Variants in PCDH11X observed in about 807,000 individuals in gnomAD.
PCDH11X encodes protocadherin-11 X-linked.
A neutral mutation model predicts 53.3 loss-of-function variants in PCDH11X; 18 were observed. The observed-to-expected ratio is 0.34, with a 90% CI of 0.23 to 0.50. The LOEUF (loss-of-function observed/expected upper bound fraction) is 0.50, where lower values mean the gene tolerates loss of function less well. Among genes scored for constraint, PCDH11X ranks in the 20% least tolerant of loss-of-function variants. The pLI, the probability that PCDH11X is intolerant of heterozygous loss-of-function variation, is 0.98. For missense variants in PCDH11X, 570 were observed against 1,032.4 expected, an observed-to-expected ratio of 0.55 and a Z score of 6.14; for synonymous variants, 279 against 393.3, an observed-to-expected ratio of 0.71 and a Z score of 3.44.
chrX:91,888,617 C>T (rs1346642745), intron 6 of PCDH11X, among the ~76,000 whole-genome samples: 20 of 109,995 alleles, frequency 1.8e-4, no homozygotes, highest in Non-Finnish European at 2.5e-4. Flanking sequence ...GCCTAGATCA[C>T]GCCACTGCAC....
intron 6 of PCDH11X, among the ~76,000 whole-genome samples, chrX:92,065,111 G>T (rs1348876385): frequency 1.0e-5 from 1 of 97,395 alleles, no homozygotes; most frequent in Non-Finnish European, 2.0e-5. Flanking sequence ...GGGGCCTGGG[G>T]GTAAACTACA....
chrX:92,492,171 A>G (rs1411683277), intron 10 of PCDH11X, among the ~76,000 whole-genome samples: 1 of 111,981 alleles, frequency 8.9e-6, no homozygotes, highest in Admixed American at 9.5e-5. Flanking sequence ...ATTTGCTTTC[A>G]ATTTTTACAT....
intron 8 of PCDH11X, among the ~76,000 whole-genome samples, chrX:92,316,869 A>G (rs1203244595): frequency 9.1e-6 from 1 of 110,308 alleles, no homozygotes; most frequent in Non-Finnish European, 1.9e-5. Context: ...TTAATCTCAT[A>G]ATGCCCCTGT....
At chrX:92,051,923 A>C (rs1052454138) in intron 6 of PCDH11X, among the ~76,000 whole-genome samples, 7 of 108,981 alleles carry the variant, frequency 6.4e-5, no homozygotes, top group Non-Finnish European at 9.6e-5. Flanking sequence ...ATAGTTTTTG[A>C]AATGTAAATA....
chrX:92,355,156 G>A (rs1177684475), intron 8 of PCDH11X, among the ~76,000 whole-genome samples: 3 of 104,971 alleles, frequency 2.9e-5, no homozygotes, highest in Non-Finnish European at 5.8e-5. Context: ...GGCCGGGCGC[G>A]GTGGTTCACG....
In PCDH11X at chrX:92,597,315, A is replaced by G. The variant is rs770683022; in HGVS notation, c.3368-20949A>G. On this transcript the variant is annotated intron_variant, in intron 10 of 10. Transcript: ENST00000682573. ...GCAAAAAAACCATTAGAACTGATAA[A>G]AAAAATTAGTAAACTTGCACGATAT... 3.6e-5 allele frequency among the ~76,000 whole-genome samples: 4 copies of G among 110,476 alleles called. No homozygotes were observed. In the East Asian group the frequency reaches 1.1e-3, roughly 31 times the overall value.
At chrX:92,095,162 G>T (rs6615320) in intron 6 of PCDH11X, among the ~76,000 whole-genome samples, 27,631 of 109,655 alleles carry the variant, frequency 0.25, 3,445 homozygotes, top group African/African-American at 0.46. Context: ...TGTCTAGGTT[G>T]TCATTAGTGT....
At chrX:92,313,683 G>A (rs2755336) in intron 8 of PCDH11X, among the ~76,000 whole-genome samples, 24,911 of 108,251 alleles carry the variant, frequency 0.23, 2,395 homozygotes, top group African/African-American at 0.26. Flanking sequence ...ACACAAATCT[G>A]GAAGGTATAG....
Position 92,041,814 on chromosome X carries a change from C to A in PCDH11X, c.3034-159561C>A, listed in dbSNP as rs375003886. On this transcript the variant is annotated intron_variant, in intron 6 of 10. Transcript: ENST00000682573. Reference sequence around the variant, plus strand: ...CGAAACCCCATCTCTACTAAAAATACAAAAGTTAGCCGGGTTTGGTGGCAT... The same window carrying A: ...CGAAACCCCATCTCTACTAAAAATAAAAAAGTTAGCCGGGTTTGGTGGCAT... Among the ~76,000 whole-genome samples the A allele has an allele frequency of 2.1e-4, 23 of 110,988 alleles. No homozygotes were observed. The East Asian group carries it at 4.9e-3, about 23-fold the overall frequency.
At chrX:92,153,458 T>G (rs2065475569) in intron 6 of PCDH11X, among the ~76,000 whole-genome samples, 1 of 111,853 alleles carries the variant, frequency 8.9e-6, no homozygotes, top group South Asian at 3.7e-4. Flanking sequence ...GGTTTACTTT[T>G]TATCAAACTG....
At chrX:92,451,543 A>T (rs965194333) in intron 9 of PCDH11X, among the ~76,000 whole-genome samples, 5 of 111,108 alleles carry the variant, frequency 4.5e-5, no homozygotes, top group Non-Finnish European at 9.4e-5. Flanking sequence ...AGTTCCAGTG[A>T]GAACAAAAGT....
At chrX:92,114,901 G>A (rs532961347) in intron 6 of PCDH11X, among the ~76,000 whole-genome samples, 1 of 110,310 alleles carries the variant, frequency 9.1e-6, no homozygotes, top group African/African-American at 3.3e-5. Flanking sequence ...GCGCGAACTC[G>A]GCTCACTGCA....
rs775692709 is a variant in PCDH11X, at chrX:92,280,560, A to G, written c.3144+17417A>G. 2.5e-4 allele frequency among the ~76,000 whole-genome samples: 27 copies of G among 108,691 alleles called. No individual in the cohort carries two copies. The South Asian group carries it at 0.01, about 41-fold the overall frequency. 94.4% of individuals were successfully genotyped at this position (108,691 alleles called of 115,157 possible). ...AATAAATAAATAAATAAATAAATAA[A>G]TAATAGAATATATCTCTGTCATTAA... On this transcript the variant is annotated intron_variant, in intron 8 of 10. Coordinates refer to ENST00000682573, the MANE Select transcript of PCDH11X (RefSeq NM_032968.5).
chrX:92,278,992 G>A (rs1444648381), intron 8 of PCDH11X, among the ~76,000 whole-genome samples: 2 of 109,510 alleles, frequency 1.8e-5, no homozygotes, highest in African/African-American at 6.7e-5. Context: ...TGTATTTTTA[G>A]TAGAGACAGG....
intron 5 of PCDH11X, among the ~76,000 whole-genome samples, chrX:91,854,540 AT>A (rs1388701752): frequency 8.9e-6 from 1 of 112,188 alleles, no homozygotes; most frequent in Non-Finnish European, 1.9e-5. Context: ...CTGGATTGTA[AT>A]GGTAGCTCAA....
chrX:92,618,339 A>G lies in PCDH11X; in HGVS notation c.3443A>G (p.His1148Arg). ...ACTCAAGAATGTCTCATCTATGGCCATTCTGATGCCTGCTGGATGCCGGCA... is the reference window on the plus strand; with the variant it reads ...ACTCAAGAATGTCTCATCTATGGCCGTTCTGATGCCTGCTGGATGCCGGCA... ...NCTQECLIYG[H>R]SDACWMPASL... Residue 1148 changes from histidine (H) to arginine (R), a missense_variant, in exon 11 of 11, where the codon CAT (histidine) becomes CGT (arginine). By Grantham distance (29) the His-to-Arg change is conservative. Around this residue, in one of 6 missense-constraint regions of PCDH11X, gnomAD observed 234 missense variants for 296.1 expected, o/e 0.79. Coordinates refer to ENST00000682573, the MANE Select transcript of PCDH11X (RefSeq NM_032968.5). 5.0e-6 allele frequency: 6 copies of G among 1,211,720 alleles called. No individual in the cohort carries two copies. The highest frequency in any genetic ancestry group is 6.7e-6 in the Non-Finnish European group (6 of 895,418).
At chrX:92,588,342 G>C (rs1321260055) in intron 10 of PCDH11X, among the ~76,000 whole-genome samples, 1 of 95,501 alleles carries the variant, frequency 1.0e-5, no homozygotes, top group Non-Finnish European at 2.0e-5. Flanking sequence ...CTAGTGGTTG[G>C]TGGATTTTCA....
At chrX:92,399,439 C>A (rs2071334008) in intron 9 of PCDH11X, among the ~76,000 whole-genome samples, 1 of 110,545 alleles carries the variant, frequency 9.0e-6, no homozygotes, top group Non-Finnish European at 1.9e-5. Flanking sequence ...TGAAGGAGAG[C>A]AGAGCAGCAA....
chrX:92,501,664 T>G lies in PCDH11X; in HGVS notation c.3367+33342T>G, dbSNP rs2073961400. Reference sequence around the variant, plus strand: ...ATGCAGAAAAGGCCTTCGATAAAATTCAACATCCTTTTATGTTTAAAACTC... The same window carrying G: ...ATGCAGAAAAGGCCTTCGATAAAATGCAACATCCTTTTATGTTTAAAACTC... On this transcript the variant is annotated intron_variant, in intron 10 of 10. Transcript: ENST00000682573. Among the ~76,000 whole-genome samples, 3 of 111,594 alleles carry G rather than the reference T, an allele frequency of 2.7e-5. No individual in the cohort carries two copies. The Admixed American group carries it at 2.9e-4, about 11-fold the overall frequency.
Sources: gnomAD v4.1 joint callset for allele counts (sites outside exome capture counted in the v4.1 genomes callset) on GRCh38, gnomAD v4.1.1 for gene constraint, gnomAD v4.1.1 regional missense constraint, MANE v1.5 for transcripts, NCBI Gene and HGNC (gene_info 2026-07-23, HGNC 2026-07-21) for gene names.